KATNIP: variants seen among roughly 807,000 people sequenced by gnomAD.
The protein encoded by KATNIP is katanin interacting protein.
KATNIP carries 126 observed loss-of-function variants against 174.0 expected under a neutral mutation model. The observed-to-expected ratio is 0.72, with a 90% confidence interval of 0.63 to 0.84. The LOEUF is 0.84. Among genes scored for constraint, KATNIP ranks in the 40% least tolerant of loss-of-function variants. KATNIP has a pLI of 0.00. For synonymous variants in KATNIP, 810 were observed against 835.7 expected (o/e 0.97, Z 0.53); for missense variants, 1,958 against 2,109.7 (o/e 0.93, Z 1.41).
chr16:27,704,493 G>A (rs1377342631), intron 12 of KATNIP, among the ~76,000 whole-genome samples: 1 of 152,128 alleles, frequency 6.6e-6, no homozygotes, highest in Non-Finnish European at 1.5e-5. Context: ...ATGTCTTTCC[G>A]CCCCACAATC....
chr16:27,683,390 G>A (rs2078415558), intron 8 of KATNIP, among the ~76,000 whole-genome samples: 1 of 152,166 alleles, frequency 6.6e-6, no homozygotes, highest in African/African-American at 2.4e-5. Context: ...CAAGGTGTTG[G>A]AGGAGCCAGA....
At chr16:27,675,229 G>A (rs1436773494) in intron 6 of KATNIP, among the ~76,000 whole-genome samples, 1 of 152,198 alleles carries the variant, frequency 6.6e-6, no homozygotes, top group African/African-American at 2.4e-5. Flanking sequence ...AGCTTACATG[G>A]TGGCAGGCAA....
rs573147119 is a variant in KATNIP, at chr16:27,562,173, G to A, written c.8-11728G>A. Among the ~76,000 whole-genome samples the A allele has an allele frequency of 2.4e-3, 361 of 152,262 alleles. 1 individual carries two copies. Among genetic ancestry groups the A allele is most frequent in the Non-Finnish European group, 3.7e-3 (252 of 68,020 alleles). ...ATGTTATAAATTAGCTGGGCTTGGT[G>A]GCACATGCCTGTAGTCCCAGCTCCT... On this transcript the variant is annotated intron_variant, in intron 1 of 27. Transcript: ENST00000261588.
At position 27,777,105 on chromosome 16, in the gene KATNIP, C is replaced by T. The variant is rs547046014; in HGVS notation, c.4551+76C>T. On this transcript the variant is annotated intron_variant, in intron 25 of 27. Coordinates refer to ENST00000261588, the MANE Select transcript of KATNIP (RefSeq NM_015202.5). This position sits in a 1 kb window ranked among gnomAD's most constrained non-coding sequence, Gnocchi z 4.4. ...TAGGCCGCCGGCAATTATCATTTGT[C>T]GCAGTTTGATTTACTTCTCTCTGTT... 74 of 986,430 alleles carry T rather than the reference C, an allele frequency of 7.5e-5. No individual in the cohort carries two copies. The highest frequency in any genetic ancestry group is 1.2e-4 in the Non-Finnish European group (72 of 617,230). 61.1% of individuals were successfully genotyped at this position (986,430 alleles called of 1,614,324 possible).
At chr16:27,567,965 A>C (rs766331782) in intron 1 of KATNIP, among the ~76,000 whole-genome samples, 13 of 152,224 alleles carry the variant, frequency 8.5e-5, no homozygotes, top group Non-Finnish European at 1.8e-4. Flanking sequence ...CTCAGTCTCT[A>C]AAAGATAATA....
At chr16:27,697,943 C>T (rs911564630) in intron 8 of KATNIP, among the ~76,000 whole-genome samples, 1 of 152,198 alleles carries the variant, frequency 6.6e-6, no homozygotes, top group Non-Finnish European at 1.5e-5. Context: ...ACCCCGAACA[C>T]TGCTATATAT....
intron 1 of KATNIP, among the ~76,000 whole-genome samples, chr16:27,552,384 T>C (rs527879755): frequency 1.2e-4 from 18 of 151,066 alleles, no homozygotes; most frequent in African/African-American, 2.7e-4. Context: ...TTTCTTTTTT[T>C]TTTTTTTTTT....
rs749339104 is a variant in KATNIP at position 27,637,568 on chromosome 16, A to C, written c.408+6406A>C. Among the ~76,000 whole-genome samples, 21 of 152,160 alleles carry C rather than the reference A, an allele frequency of 1.4e-4. No individual in the cohort carries two copies. Among genetic ancestry groups the C allele is most frequent in the Non-Finnish European group, 2.1e-4 (14 of 68,020 alleles). On this transcript the variant is annotated intron_variant, in intron 5 of 27. Transcript: ENST00000261588. The surrounding 1 kb of genome is among the most constrained non-coding windows in gnomAD (Gnocchi z 4.7). Reference sequence around the variant, plus strand: ...GGCCGCATCGCAGCCAGGGCCTGAGAGTTACCTGGAGCCAGCCCCGGAAAG... The same window carrying C: ...GGCCGCATCGCAGCCAGGGCCTGAGCGTTACCTGGAGCCAGCCCCGGAAAG...
chr16:27,554,344 T>C (rs1295316858), intron 1 of KATNIP, among the ~76,000 whole-genome samples: 1 of 152,036 alleles, frequency 6.6e-6, no homozygotes, highest in Non-Finnish European at 1.5e-5. Context: ...ATAACTGTGG[T>C]CCCAGCTACT....
intron 2 of KATNIP, 89 bp downstream of exon 2, chr16:27,574,045 A>G (rs1430906604): frequency 6.0e-6 from 7 of 1,172,244 alleles, no homozygotes; most frequent in Middle Eastern, 1.9e-4. Context: ...GTCCCTAAAT[A>G]TACTCTTTTC....
chr16:27,768,188 G>A (rs942773435), intron 20 of KATNIP, among the ~76,000 whole-genome samples: 16 of 152,182 alleles, frequency 1.1e-4, no homozygotes, highest in Admixed American at 6.5e-4. Flanking sequence ...GCCTTCCCGA[G>A]CACCAGGGGT....
At chr16:27,611,952 G>A (rs768347718) in intron 2 of KATNIP, among the ~76,000 whole-genome samples, 1 of 152,194 alleles carries the variant, frequency 6.6e-6, no homozygotes, top group South Asian at 2.1e-4. Flanking sequence ...GCCTTCATGG[G>A]GACTTTGGGA....
intron 13 of KATNIP, among the ~76,000 whole-genome samples, chr16:27,713,832 A>ATGTGTGTGTGTGTGTGTGTATG (rs1250947371): frequency 1.4e-5 from 1 of 73,632 alleles, no homozygotes; most frequent in African/African-American, 6.2e-5. Flanking sequence ...ATATATATAT[A>ATGTGTGTGTGTGTGTGTGTATG]TATATATATA....
rs2076666638 is a variant in KATNIP, at chr16:27,637,332, C to T, written c.408+6170C>T. On this transcript the variant is annotated intron_variant, in intron 5 of 27. Transcript: ENST00000261588. This position sits in a 1 kb window ranked among gnomAD's most constrained non-coding sequence, Gnocchi z 4.7. ...ACTCAGTTTTGGCACTTACAGATGCCGGGTTCCAAGCAATAAGTGAGGCCA... is the reference window on the plus strand; with the variant it reads ...ACTCAGTTTTGGCACTTACAGATGCTGGGTTCCAAGCAATAAGTGAGGCCA... Among the ~76,000 whole-genome samples the T allele has an allele frequency of 6.6e-6, 1 of 152,140 alleles. No homozygotes were observed.
In KATNIP at chr16:27,773,225, C is replaced by T. The variant is rs1156358982; in HGVS notation, c.4309+16C>T. 1 of 1,536,910 alleles carries T rather than the reference C, an allele frequency of 6.5e-7. No homozygotes were observed. Among genetic ancestry groups the T allele is most frequent in the South Asian group, 1.1e-5 (1 of 87,054 alleles). On this transcript the variant is annotated intron_variant, in intron 23 of 27. Transcript: ENST00000261588. Reference sequence around the variant, plus strand: ...TCGGAAAACAGTATCCTTTGTAGGACAGGAGTGGGCTCCACCCAGACTGAA... The same window carrying T: ...TCGGAAAACAGTATCCTTTGTAGGATAGGAGTGGGCTCCACCCAGACTGAA...
At chr16:27,595,104 G>C (rs541589955) in intron 2 of KATNIP, among the ~76,000 whole-genome samples, 55 of 152,192 alleles carry the variant, frequency 3.6e-4, no homozygotes, top group Non-Finnish European at 7.3e-4. Flanking sequence ...ACAGATGTGG[G>C]CCGGGCATGG....
chr16:27,683,548 C>T (rs1395420677), intron 8 of KATNIP, among the ~76,000 whole-genome samples: 2 of 152,036 alleles, frequency 1.3e-5, no homozygotes, highest in Non-Finnish European at 2.9e-5. Flanking sequence ...CAGCCAATAG[C>T]GTCACAGAGT....
intron 1 of KATNIP, among the ~76,000 whole-genome samples, chr16:27,567,536 T>C (rs1253882556): frequency 6.6e-6 from 1 of 151,984 alleles, no homozygotes; most frequent in Non-Finnish European, 1.5e-5. Context: ...GTTTTTGTTG[T>C]TGTTTGAGAA....
chr16:27,572,058 T>A (rs1048554213), intron 1 of KATNIP, among the ~76,000 whole-genome samples: 3 of 151,832 alleles, frequency 2.0e-5, no homozygotes, highest in Non-Finnish European at 4.4e-5. Flanking sequence ...TCAGCAAAAT[T>A]GAGCAGAAAT....
Sources: gnomAD v4.1 joint callset for allele counts (sites outside exome capture counted in the v4.1 genomes callset) on GRCh38, gnomAD v4.1.1 for gene constraint, Gnocchi (gnomAD v3.1) non-coding constraint, MANE v1.5 for transcripts, NCBI Gene and HGNC (gene_info 2026-07-23, HGNC 2026-07-21) for gene names.